The following ENPEP variants were observed in gnomAD, a reference collection of about 807,000 sequenced individuals.
ENPEP encodes AP-A.
A neutral mutation model predicts 114.5 loss-of-function variants in ENPEP; 103 were observed. The ratio of observed to expected loss-of-function variants is 0.90; its 90% CI spans 0.77 to 1.06. ENPEP has a LOEUF of 1.06. Ranked by LOEUF, ENPEP falls within the 50% of genes least tolerant of loss-of-function variation. ENPEP has a pLI of 0.00. For missense variants in ENPEP, 1,196 were observed against 1,161.3 expected (o/e 1.03, Z -0.43); for synonymous variants, 420 against 422.0 (o/e 1.00, Z 0.06).
rs201439917 is a variant in ENPEP at position 110,558,032 on chromosome 4, A to ATTTTTTTTTTT, written c.2643-1610_2643-1600dup. On this transcript the variant is annotated intron_variant, in intron 18 of 19. Coordinates refer to ENST00000265162, the MANE Select transcript of ENPEP (RefSeq NM_001977.4). Reference sequence around the variant, plus strand: ...GGCTTCTAATTTTGTATATGGTAGGATTTTTTTTTTTTTTTGTATAAAACT... The same window carrying ATTTTTTTTTTT: ...GGCTTCTAATTTTGTATATGGTAGGATTTTTTTTTTTTTTTTTTTTTTTTTTGTATAAAACT... Among the ~76,000 whole-genome samples the ATTTTTTTTTTT allele has an allele frequency of 5.1e-3, 524 of 103,158 alleles. 28 individuals carry two copies. The highest frequency in any genetic ancestry group is 0.016 in the African/African-American group (362 of 23,198). The allele number at this position is 103,158 out of a possible 152,430, so 67.7% of individuals were successfully genotyped here.
intron 3 of ENPEP, among the ~76,000 whole-genome samples, chr4:110,501,662 A>G (rs1422675939): frequency 6.6e-6 from 1 of 152,210 alleles, no homozygotes; most frequent in Non-Finnish European, 1.5e-5. Context: ...TATATACCAC[A>G]TTTTATTTAT....
chr4:110,508,474 A>G (rs1725451754), intron 4 of ENPEP, among the ~76,000 whole-genome samples: 1 of 152,168 alleles, frequency 6.6e-6, no homozygotes, highest in African/African-American at 2.4e-5. Flanking sequence ...CTTGACCTCT[A>G]CTTAAGATAC....
intron 2 of ENPEP, among the ~76,000 whole-genome samples, chr4:110,488,899 T>C (rs918653077): frequency 6.6e-6 from 1 of 152,196 alleles, no homozygotes; most frequent in Non-Finnish European, 1.5e-5. Flanking sequence ...GATTGGTGTT[T>C]CTGTGCAAGA....
intron 7 of ENPEP, among the ~76,000 whole-genome samples, chr4:110,513,941 A>G (rs1173825222): frequency 6.6e-6 from 1 of 152,138 alleles, no homozygotes; most frequent in Non-Finnish European, 1.5e-5. Context: ...AGAACATTTT[A>G]ATGCCTGCAA....
At chr4:110,546,672 A>C (rs1560569278) in intron 13 of ENPEP, among the ~76,000 whole-genome samples, 1 of 152,040 alleles carries the variant, frequency 6.6e-6, no homozygotes, top group Non-Finnish European at 1.5e-5. Context: ...CTTAGATACA[A>C]ACATTTTTGT....
At chr4:110,507,884 A>C (rs929524562) in intron 4 of ENPEP, among the ~76,000 whole-genome samples, 2 of 152,186 alleles carry the variant, frequency 1.3e-5, no homozygotes, top group Admixed American at 1.3e-4. Flanking sequence ...CTGAGGTGGG[A>C]GGATCACTTG....
intron 6 of ENPEP, among the ~76,000 whole-genome samples, chr4:110,510,561 A>G (rs1578401322): frequency 6.6e-6 from 1 of 151,692 alleles, no homozygotes; most frequent in East Asian, 1.9e-4. Context: ...GATCATCACA[A>G]TCTGGGGATA....
At position 110,511,130 on chromosome 4, in the gene ENPEP, T is replaced by C. The variant is rs1436756199; in HGVS notation, c.1308+772T>C. On this transcript the variant is annotated intron_variant, in intron 6 of 19. Coordinates refer to ENST00000265162, the MANE Select transcript of ENPEP (RefSeq NM_001977.4). ...TGTCTAATTACAAGAGGTTTTGTAC[T>C]GTGTAAAATACTGCCCTCTACTGGA... is the stretch of plus-strand genomic sequence containing the variant. Among the ~76,000 whole-genome samples, 49 of 152,220 alleles carry C rather than the reference T, an allele frequency of 3.2e-4. 2 individuals carry two copies. Among genetic ancestry groups the C allele is most frequent in the Admixed American group, 3.2e-3 (49 of 15,272 alleles).
Position 110,488,562 on chromosome 4 carries a change from T to TA in ENPEP, c.666_667insA (p.Glu223ArgfsTer13). The TA allele has an allele frequency of 6.2e-7, 1 of 1,613,180 alleles. No individual in the cohort carries two copies. The highest frequency in any genetic ancestry group is 1.1e-5 in the South Asian group (1 of 90,924). On this transcript the variant is annotated frameshift_variant, in exon 2 of 20. Coordinates refer to ENST00000265162, the MANE Select transcript of ENPEP (RefSeq NM_001977.4). LOFTEE classifies it high-confidence loss of function. ...TAAGGAGCATAGTGGCCACCGATCA[T>TA]GAACCAACAGATGCCAGGAAATCTT...
At position 110,483,819 on chromosome 4, in the gene ENPEP, C is replaced by T. The variant is rs116129880; in HGVS notation, c.645-4722C>T. Among the ~76,000 whole-genome samples, 1,329 of 152,304 alleles carry T rather than the reference C, an allele frequency of 8.7e-3. 26 individuals carry two copies. Among genetic ancestry groups the T allele is most frequent in the African/African-American group, 0.03 (1,244 of 41,562 alleles). On this transcript the variant is annotated intron_variant, in intron 1 of 19. Coordinates refer to ENST00000265162, the MANE Select transcript of ENPEP (RefSeq NM_001977.4). Reference sequence around the variant, plus strand: ...GCAAGACAAGTCATCTGATTTTAATCACTGAATAAAATCTTCCCAAAGAAG... The same window carrying T: ...GCAAGACAAGTCATCTGATTTTAATTACTGAATAAAATCTTCCCAAAGAAG...
chr4:110,478,363 C>T (rs1380359571), intron 1 of ENPEP, among the ~76,000 whole-genome samples: 1 of 152,072 alleles, frequency 6.6e-6, no homozygotes, highest in Non-Finnish European at 1.5e-5. Flanking sequence ...TTACCATTTA[C>T]GTATTTTTTC....
At chr4:110,561,318 A>G in intron 19 of ENPEP, 88 bp from the exon 20 acceptor site, 6 of 1,417,628 alleles carry the variant, frequency 4.2e-6, no homozygotes, top group Non-Finnish European at 5.9e-6. Flanking sequence ...TCTAGGTAAG[A>G]AGAAAGCAAA....
intron 3 of ENPEP, among the ~76,000 whole-genome samples, chr4:110,500,869 C>T (rs915117969): frequency 1.3e-5 from 2 of 152,096 alleles, no homozygotes; most frequent in Non-Finnish European, 2.9e-5. Flanking sequence ...GAGTCAGTCA[C>T]CTCTGCCAAA....
chr4:110,534,419 C>T (rs1034267713), intron 11 of ENPEP, among the ~76,000 whole-genome samples: 1 of 151,752 alleles, frequency 6.6e-6, no homozygotes, highest in Non-Finnish European at 1.5e-5. Context: ...TCACTTTCAT[C>T]AGCCCTTATT....
At chr4:110,538,730 C>T (rs986355250) in intron 11 of ENPEP, among the ~76,000 whole-genome samples, 1 of 152,146 alleles carries the variant, frequency 6.6e-6, no homozygotes, top group Non-Finnish European at 1.5e-5. Flanking sequence ...TTAATCATTT[C>T]TATATTTTAA....
At chr4:110,493,219 T>C (rs567942331) in intron 3 of ENPEP, among the ~76,000 whole-genome samples, 7 of 152,304 alleles carry the variant, frequency 4.6e-5, no homozygotes, top group African/African-American at 1.7e-4. Context: ...TTAGGATGGA[T>C]TTTATATAAA....
rs1234855535 is a variant in ENPEP, at chr4:110,476,735, G to T, written c.321G>T (p.Lys107Asn). The change falls in exon 1 of 20, where the codon AAG (lysine) becomes AAT (asparagine). Residue 107 changes from lysine (K) to asparagine (N), a missense_variant. Lys to Asn is a moderately conservative substitution (Grantham distance 94). Transcript: ENST00000265162. ...CAGTCCACTACGACCTGCACGTGAA[G>T]CCCCTGTTGGAGGAGGACACCTACA... ...VNPVHYDLHV[K>N]PLLEEDTYTG... 1 of 1,613,996 alleles carries T rather than the reference G, an allele frequency of 6.2e-7. No homozygotes were observed. The highest frequency in any genetic ancestry group is 1.1e-5 in the South Asian group (1 of 91,092).
chr4:110,488,786 A>C, intron 2 of ENPEP, 104 bp downstream of exon 2: 1 of 1,391,034 alleles, frequency 7.2e-7, no homozygotes, highest in South Asian at 1.4e-5. Flanking sequence ...TCTAAAACTA[A>C]ATGTGCACTA....
intron 11 of ENPEP, among the ~76,000 whole-genome samples, chr4:110,537,107 C>A (rs549612971): frequency 6.6e-6 from 1 of 152,274 alleles, no homozygotes; most frequent in African/African-American, 2.4e-5. Flanking sequence ...AAGGGTCTTG[C>A]CTCAGTGTTG....
Sources: allele counts gnomAD v4.1 joint callset (sites outside exome capture counted in the v4.1 genomes callset), GRCh38; gene constraint gnomAD v4.1.1; transcripts MANE v1.5; gene names NCBI Gene and HGNC (gene_info 2026-07-23, HGNC 2026-07-21).